The following TLL1 variants were observed in gnomAD, a reference collection of about 807,000 sequenced individuals.
TLL1 encodes the protein tolloid like 1.
In TLL1, 49 loss-of-function variants were observed where a neutral mutation model predicts 128.2. That is an observed-to-expected ratio of 0.38 (90% confidence interval 0.30 to 0.48). The LOEUF (loss-of-function observed/expected upper bound fraction) is 0.48, where lower values mean the gene tolerates loss of function less well. Ranked by LOEUF, TLL1 falls within the 20% of genes least tolerant of loss-of-function variation. The pLI is 0.96. For missense variants in TLL1, 1,123 were observed against 1,242.0 expected, an observed-to-expected ratio of 0.90 and a Z score of 1.44; for synonymous variants, 454 against 418.8, an observed-to-expected ratio of 1.08 and a Z score of -1.03.
intron 5 of TLL1, among the ~76,000 whole-genome samples, chr4:165,995,879 A>G (rs1203765781): frequency 2.0e-5 from 3 of 152,150 alleles, no homozygotes; most frequent in African/African-American, 2.4e-5. Context: ...CCACATATCA[A>G]TTTTGTAAAA....
chr4:165,968,140 G>A (rs1165322658), intron 1 of TLL1, among the ~76,000 whole-genome samples: 1 of 152,170 alleles, frequency 6.6e-6, no homozygotes, highest in Non-Finnish European at 1.5e-5. Context: ...AACTTTCTAT[G>A]AGCGTTTTAC....
chr4:165,973,993 A>G (rs1735751419), intron 1 of TLL1, among the ~76,000 whole-genome samples: 1 of 151,688 alleles, frequency 6.6e-6, no homozygotes, highest in Admixed American at 6.6e-5. Context: ...GGATCAGAGA[A>G]GTCTGGAGTT....
chr4:166,100,628 G>A lies in TLL1; in HGVS notation c.2908-114G>A. 5.1e-6 allele frequency: 7 copies of A among 1,378,866 alleles called. No individual in the cohort carries two copies. In the East Asian group the frequency reaches 1.6e-4, roughly 32 times the overall value. 85.4% of individuals were successfully genotyped at this position (1,378,866 alleles called of 1,614,324 possible). ...ATTACACCTACTCTCCAAGGTTGTT[G>A]GGAGGATTAAATTATATTCCAAAGA... is the stretch of plus-strand genomic sequence containing the variant. On this transcript the variant is annotated intron_variant, in intron 20 of 20. Transcript: ENST00000061240.
At position 166,102,953 on chromosome 4, in the gene TLL1, C is replaced by T. The variant is rs1209651252; in HGVS notation, c.*2077C>T. 6.6e-6 allele frequency: 1 copy of T among 151,840 alleles called. No homozygotes were observed. Among genetic ancestry groups the T allele is most frequent in the Non-Finnish European group, 1.5e-5 (1 of 67,870 alleles). 9.4% of individuals were successfully genotyped at this position (151,840 alleles called of 1,614,324 possible). A position where few individuals can be genotyped will look rare whatever the true frequency, so the allele number is the denominator to read the frequency against. ...GAAAGAGAGGAGAAAAAGTCATTAA[C>T]ATTAACACCTATACTGTTCTATACT... On this transcript the variant is annotated 3_prime_UTR_variant, in exon 21 of 21. Transcript: ENST00000061240.
intron 9 of TLL1, among the ~76,000 whole-genome samples, chr4:166,037,705 G>A (rs138446464): frequency 0.016 from 2,425 of 152,064 alleles, 71 homozygotes; most frequent in African/African-American, 0.054. Flanking sequence ...CTACTCAGGA[G>A]GCTGAGGGAT....
At chr4:165,935,578 T>G (rs184898340) in intron 1 of TLL1, among the ~76,000 whole-genome samples, 1 of 152,342 alleles carries the variant, frequency 6.6e-6, no homozygotes, top group African/African-American at 2.4e-5. Flanking sequence ...ACATTTCCAC[T>G]GGCTGCAAAA....
intron 1 of TLL1, among the ~76,000 whole-genome samples, chr4:165,987,730 T>G (rs1290904261): frequency 6.6e-6 from 1 of 152,140 alleles, no homozygotes; most frequent in Non-Finnish European, 1.5e-5. Context: ...TTATCTCATG[T>G]CAGTTTTGCA....
At chr4:165,932,195 G>A (rs1001454950) in intron 1 of TLL1, among the ~76,000 whole-genome samples, 1 of 152,056 alleles carries the variant, frequency 6.6e-6, no homozygotes, top group Non-Finnish European at 1.5e-5. Context: ...CCACACTTAC[G>A]AGATTCACCC....
intron 12 of TLL1, chr4:166,044,402 C>T: frequency 6.5e-7 from 1 of 1,535,470 alleles, no homozygotes; most frequent in South Asian, 1.2e-5. Context: ...GCCAGTAAAG[C>T]CAGAGAATCT....
chr4:165,976,016 CAG>C (rs1458442627), intron 1 of TLL1, among the ~76,000 whole-genome samples: 1 of 104,480 alleles, frequency 9.6e-6, no homozygotes, highest in African/African-American at 3.8e-5. Flanking sequence ...GCCTGGGTAA[CAG>C]AGTGAGATTC....
In TLL1 at chr4:165,918,083, TAC is replaced by T. The variant is rs58757652; in HGVS notation, c.169+44014_169+44015del. Among the ~76,000 whole-genome samples, 493 of 152,268 alleles carry T rather than the reference TAC, an allele frequency of 3.2e-3. 4 individuals carry two copies. The highest frequency in any genetic ancestry group is 0.012 in the African/African-American group (479 of 41,556). On this transcript the variant is annotated intron_variant, in intron 1 of 20. Transcript: ENST00000061240. ...TATCTTACCCCCCACAGCATACATA[TAC>T]ACATGCATAAGAAGATAGTATAGTA...
intron 1 of TLL1, among the ~76,000 whole-genome samples, chr4:165,897,753 T>C (rs1194671295): frequency 6.7e-6 from 1 of 150,250 alleles, no homozygotes; most frequent in African/African-American, 2.4e-5. Context: ...TAGTTGTTTC[T>C]AATTCTGTGA....
chr4:165,885,449 A>G (rs2125862), intron 1 of TLL1, among the ~76,000 whole-genome samples: 80,467 of 151,668 alleles, frequency 0.53, 21,818 homozygotes, highest in East Asian at 0.77. Context: ...GGTTTCTGAC[A>G]GTTTTGTTCA....
intron 1 of TLL1, among the ~76,000 whole-genome samples, chr4:165,905,853 G>A (rs554093358): frequency 1.3e-5 from 2 of 152,042 alleles, no homozygotes; most frequent in Admixed American, 1.3e-4. Flanking sequence ...AAGCGTCATC[G>A]GTTGCTTTTC....
At chr4:165,949,526 C>T (rs985425085) in intron 1 of TLL1, among the ~76,000 whole-genome samples, 7 of 152,016 alleles carry the variant, frequency 4.6e-5, no homozygotes, top group African/African-American at 1.4e-4. Context: ...TGTATTAGTC[C>T]GTTTTCATGC....
At chr4:165,881,765 A>G (rs1730977483) in intron 1 of TLL1, among the ~76,000 whole-genome samples, 1 of 152,270 alleles carries the variant, frequency 6.6e-6, no homozygotes, top group African/African-American at 2.4e-5. Context: ...TGTAGGGGAG[A>G]CAATGCTGTA....
chr4:165,921,621 G>A (rs888871163), intron 1 of TLL1, among the ~76,000 whole-genome samples: 6 of 152,240 alleles, frequency 3.9e-5, no homozygotes, highest in Non-Finnish European at 7.3e-5. Context: ...TTTTGTATAA[G>A]GCATTTTTGA....
chr4:165,985,433 C>T (rs188476646), intron 1 of TLL1, among the ~76,000 whole-genome samples: 3 of 152,152 alleles, frequency 2.0e-5, no homozygotes, highest in Non-Finnish European at 2.9e-5. Flanking sequence ...AGAAAGACTT[C>T]ACCCTTGGCA....
chr4:166,026,078 A>AAAC (rs542899706), intron 9 of TLL1, among the ~76,000 whole-genome samples: 7 of 152,240 alleles, frequency 4.6e-5, no homozygotes, highest in South Asian at 4.1e-4. Context: ...AATTGATTAA[A>AAAC]AACAACAACA....
Sources: allele counts gnomAD v4.1 joint callset (sites outside exome capture counted in the v4.1 genomes callset), GRCh38; gene constraint gnomAD v4.1.1; transcripts MANE v1.5; gene names NCBI Gene and HGNC (gene_info 2026-07-23, HGNC 2026-07-21).